The following CYFIP1 variants were observed in gnomAD, a reference collection of about 807,000 sequenced individuals.
CYFIP1 encodes the protein cytoplasmic FMR1-interacting protein 1.
CYFIP1 carries 58 observed loss-of-function variants against 163.5 expected under a neutral mutation model. The observed-to-expected ratio is 0.35, with a 90% CI of 0.29 to 0.44. The LOEUF (loss-of-function observed/expected upper bound fraction) is 0.44, where lower values mean the gene tolerates loss of function less well. CYFIP1 is among the 20% of genes least tolerant of loss of function. The pLI, the probability that CYFIP1 is intolerant of heterozygous loss-of-function variation, is 1.00. For synonymous variants in CYFIP1, 663 were observed against 660.7 expected (o/e 1.00, Z -0.05); for missense variants, 1,338 against 1,653.8 (o/e 0.81, Z 3.31).
intron 1 of CYFIP1, among the ~76,000 whole-genome samples, chr15:22,952,398 A>G (rs1242079551): frequency 1.3e-5 from 2 of 152,022 alleles, no homozygotes; most frequent in African/African-American, 4.8e-5. Flanking sequence ...GCTCCAGCCT[A>G]TAATCCTGGC....
chr15:22,959,908 C>G (rs929861884), intron 1 of CYFIP1, among the ~76,000 whole-genome samples: 1 of 152,230 alleles, frequency 6.6e-6, no homozygotes, highest in Non-Finnish European at 1.5e-5. Flanking sequence ...CCTGATGTGC[C>G]TGTTCTTTTC....
At chr15:22,958,279 T>C (rs1339629097) in intron 1 of CYFIP1, among the ~76,000 whole-genome samples, 3 of 152,004 alleles carry the variant, frequency 2.0e-5, no homozygotes, top group Non-Finnish European at 4.4e-5. Context: ...AGAGACGGGG[T>C]TTCACCATGT....
chr15:22,909,229 C>T lies in CYFIP1; in HGVS notation c.2353G>A (p.Gly785Arg). ...GTCAAATCTTCACTTTCAAATCGTCCAATCGCCAGTTCTAGGGACTTATAC... is the reference window on the plus strand; with the variant it reads ...GTCAAATCTTCACTTTCAAATCGTCTAATCGCCAGTTCTAGGGACTTATAC... ...AMYKSLELAIGRFESEDLTSI... is the reference protein window; with the variant it reads ...AMYKSLELAIRRFESEDLTSI... Residue 785 changes from glycine (G) to arginine (R), a missense_variant, in exon 21 of 31, where the codon GGA becomes AGA. Transcript: ENST00000617928. The T allele has an allele frequency of 6.2e-7, 1 of 1,614,168 alleles. No individual in the cohort carries two copies.
chr15:22,933,618 T>C (rs1284462159), intron 10 of CYFIP1, among the ~76,000 whole-genome samples, 184 bp downstream of exon 10: 9 of 152,114 alleles, frequency 5.9e-5, no homozygotes, highest in Non-Finnish European at 1.3e-4. Flanking sequence ...CCGGCCTCAA[T>C]TGTATTTTTC....
At chr15:22,886,372 A>T (rs1042423392) in intron 23 of CYFIP1, among the ~76,000 whole-genome samples, 2 of 152,234 alleles carry the variant, frequency 1.3e-5, no homozygotes, top group African/African-American at 4.8e-5. Context: ...ATTCAGTGCT[A>T]TAAATTTCCC....
intron 10 of CYFIP1, among the ~76,000 whole-genome samples, chr15:22,932,978 G>A (rs1221044970): frequency 6.6e-6 from 1 of 151,952 alleles, no homozygotes; most frequent in Non-Finnish European, 1.5e-5. Flanking sequence ...GACTACAGGC[G>A]TGTGCCACCA....
chr15:22,957,592 T>C (rs547192822), intron 1 of CYFIP1, among the ~76,000 whole-genome samples: 15 of 152,202 alleles, frequency 9.9e-5, no homozygotes, highest in East Asian at 1.9e-4. Flanking sequence ...GCCGAGATCG[T>C]GTCACTGCAC....
chr15:22,958,478 G>A (rs1450085665), intron 1 of CYFIP1, among the ~76,000 whole-genome samples: 1 of 152,216 alleles, frequency 6.6e-6, no homozygotes, highest in East Asian at 1.9e-4. Flanking sequence ...CAGAAATCAA[G>A]TTTGAAAATC....
At chr15:22,874,164 G>C (rs1030175983) in intron 28 of CYFIP1, among the ~76,000 whole-genome samples, 12 of 152,202 alleles carry the variant, frequency 7.9e-5, no homozygotes, top group African/African-American at 2.7e-4. Context: ...GTCCAAAATG[G>C]CTGAGAAACC....
chr15:22,959,779 C>T (rs759457978), intron 1 of CYFIP1, among the ~76,000 whole-genome samples: 29 of 152,172 alleles, frequency 1.9e-4, no homozygotes, highest in Non-Finnish European at 3.2e-4. Context: ...CGATCGAGCC[C>T]CGTGCTCCCC....
intron 10 of CYFIP1, 40 bp from the exon 11 acceptor site, chr15:22,932,380 C>T (rs1316873563): frequency 2.1e-6 from 3 of 1,459,140 alleles, no homozygotes; most frequent in Non-Finnish European, 2.8e-6. Context: ...TGCGGAGGCG[C>T]CGGCAGGCCA....
intron 11 of CYFIP1, among the ~76,000 whole-genome samples, chr15:22,929,892 C>T (rs1365003124): frequency 2.0e-4 from 30 of 150,610 alleles, no homozygotes; most frequent in African/African-American, 6.8e-4. Context: ...GCCGAGATCG[C>T]GCCACTGCAC....
At position 22,910,821 on chromosome 15, in the gene CYFIP1, AAAAG is replaced by A; in HGVS notation, c.2083-12_2083-9del. Reference sequence around the variant, plus strand: ...GTCAAAACATAGATTCACCTGAAGAAAAAGAAAGCACACGTTACAGTTTGATTCC... The same window carrying A: ...GTCAAAACATAGATTCACCTGAAGAAAAAGCACACGTTACAGTTTGATTCC... On this transcript the variant is annotated splice_polypyrimidine_tract_variant and intron_variant, in intron 18 of 30. Transcript: ENST00000617928. 6.2e-7 allele frequency: 1 copy of A among 1,610,286 alleles called. No individual in the cohort carries two copies. The highest frequency in any genetic ancestry group is 8.5e-7 in the Non-Finnish European group (1 of 1,176,702).
chr15:22,925,549 G>A (rs2061330934), intron 13 of CYFIP1, among the ~76,000 whole-genome samples: 2 of 152,204 alleles, frequency 1.3e-5, no homozygotes, highest in Admixed American at 1.3e-4. Context: ...AGTATGCAAA[G>A]ATTTCTCAAA....
intron 26 of CYFIP1, 38 bp from the exon 27 acceptor site, chr15:22,875,309 A>G (rs1430999724): frequency 1.9e-6 from 3 of 1,585,560 alleles, no homozygotes; most frequent in South Asian, 1.1e-5. Flanking sequence ...TAGGAAGGGT[A>G]TCTCGCCAGA....
At chr15:22,968,181 A>C (rs2062974885) in intron 1 of CYFIP1, among the ~76,000 whole-genome samples, 2 of 152,192 alleles carry the variant, frequency 1.3e-5, no homozygotes, top group African/African-American at 4.8e-5. Context: ...TTATTTAAAT[A>C]CAAAATAAAA....
chr15:22,962,750 TA>T (rs1478883957), intron 1 of CYFIP1, among the ~76,000 whole-genome samples: 1 of 152,162 alleles, frequency 6.6e-6, no homozygotes, highest in Non-Finnish European at 1.5e-5. Context: ...TGAGTTGTTA[TA>T]AAAGGGATAT....
intron 1 of CYFIP1, among the ~76,000 whole-genome samples, chr15:22,979,063 G>A (rs932748340): frequency 2.0e-5 from 3 of 152,168 alleles, no homozygotes; most frequent in African/African-American, 4.8e-5. Flanking sequence ...ACAGACACCT[G>A]TCTTAACGCA....
rs1353493744 is a variant in CYFIP1, at chr15:22,868,830, T to TGAC, written c.*1195_*1197dup. ...TTGCAATACTCCAAATAATGTAAAA[T>TGAC]GACTGCCAGGCTACAATATAAAGTG... On this transcript the variant is annotated 3_prime_UTR_variant, in exon 31 of 31. Coordinates refer to ENST00000617928, the MANE Select transcript of CYFIP1 (RefSeq NM_014608.6). The TGAC allele has an allele frequency of 6.6e-6, 1 of 152,172 alleles. No homozygotes were observed. Among genetic ancestry groups the TGAC allele is most frequent in the African/African-American group, 2.4e-5 (1 of 41,430 alleles). 9.4% of individuals were successfully genotyped at this position (152,172 alleles called of 1,614,324 possible).
Sources: allele counts gnomAD v4.1 joint callset (sites outside exome capture counted in the v4.1 genomes callset), GRCh38; gene constraint gnomAD v4.1.1; transcripts MANE v1.5; gene names NCBI Gene and HGNC (gene_info 2026-07-23, HGNC 2026-07-21).